Variants in ERBB4 observed in about 807,000 individuals in gnomAD.
ERBB4 encodes the protein erb-b2 receptor tyrosine kinase 4, also known as receptor tyrosine-protein kinase erbB-4.
Under a neutral mutation model 158.0 loss-of-function variants are expected in ERBB4, and 42 were observed. The ratio of observed to expected loss-of-function variants is 0.27; its 90% confidence interval spans 0.21 to 0.34. The LOEUF (loss-of-function observed/expected upper bound fraction) is 0.34, where lower values mean the gene tolerates loss of function less well. Among genes scored for constraint, ERBB4 ranks in the 10% least tolerant of loss-of-function variants. The probability of loss-of-function intolerance (pLI) is 1.00; values close to 1 mark genes in which losing one functional copy is unlikely to be tolerated. For missense variants in ERBB4, 1,333 were observed against 1,624.1 expected (o/e 0.82, Z 3.08); for synonymous variants, 583 against 558.7 (o/e 1.04, Z -0.61).
chr2:211,622,990 AAT>A (rs1165877419), intron 18 of ERBB4, among the ~76,000 whole-genome samples: 90 of 21,856 alleles, frequency 4.1e-3, no homozygotes, highest in East Asian at 0.021. Flanking sequence ...AAAAAAAAAA[AAT>A]ATATATATAT....
chr2:212,095,659 G>T (rs991265477), intron 2 of ERBB4, among the ~76,000 whole-genome samples: 15 of 152,146 alleles, frequency 9.9e-5, no homozygotes, highest in Admixed American at 3.3e-4. Flanking sequence ...TTGGCCGGGC[G>T]CGGTGGCTCA....
In ERBB4 at chr2:212,490,885, T is replaced by G. The variant is rs1022695481; in HGVS notation, c.82+47564A>C. On this transcript the variant is annotated intron_variant, in intron 1 of 27. Transcript: ENST00000342788. ...CAAACTAAATAAGCCTCTACTACAG[T>G]TTTTAAAACATTTGGAAATTACTGA... is the stretch of plus-strand genomic sequence containing the variant. Among the ~76,000 whole-genome samples the G allele has an allele frequency of 1.1e-4, 16 of 151,756 alleles. 1 individual carries two copies. The highest frequency in any genetic ancestry group is 3.4e-4 in the African/African-American group (14 of 41,414).
intron 27 of ERBB4, among the ~76,000 whole-genome samples, chr2:211,385,958 T>G (rs1166505020): frequency 1.3e-5 from 2 of 152,186 alleles, no homozygotes; most frequent in East Asian, 1.9e-4. Flanking sequence ...TGTAAAAATT[T>G]TATCTAGACA....
At chr2:211,973,004 T>G (rs1302197484) in intron 2 of ERBB4, among the ~76,000 whole-genome samples, 2 of 151,752 alleles carry the variant, frequency 1.3e-5, no homozygotes, top group African/African-American at 4.8e-5. Context: ...TGGGAGAAAA[T>G]TTTGCAAACT....
chr2:211,928,124 A>G (rs1043470277), intron 3 of ERBB4, among the ~76,000 whole-genome samples: 5 of 152,160 alleles, frequency 3.3e-5, no homozygotes, highest in Non-Finnish European at 7.4e-5. Flanking sequence ...CAATCCCAAT[A>G]GAAGCAAGAA....
intron 1 of ERBB4, among the ~76,000 whole-genome samples, chr2:212,218,133 C>T (rs533176341): frequency 2.6e-5 from 4 of 151,350 alleles, no homozygotes; most frequent in South Asian, 2.1e-4. Context: ...CCATTGCTAA[C>T]GAGAGCTGCT....
At chr2:212,160,687 T>G (rs2081177562) in intron 1 of ERBB4, among the ~76,000 whole-genome samples, 1 of 152,020 alleles carries the variant, frequency 6.6e-6, no homozygotes. Context: ...TGTGTCTAGG[T>G]CTTAGCGCTT....
chr2:211,878,666 T>TTTTC (rs1205983615), intron 3 of ERBB4, among the ~76,000 whole-genome samples: 3 of 149,544 alleles, frequency 2.0e-5, no homozygotes, highest in African/African-American at 7.4e-5. Context: ...TGTTTTTTTT[T>TTTTC]TTTTCCTTGA....
At chr2:211,859,082 G>A (rs1424216155) in intron 3 of ERBB4, among the ~76,000 whole-genome samples, 2 of 152,192 alleles carry the variant, frequency 1.3e-5, no homozygotes, top group South Asian at 2.1e-4. Flanking sequence ...GTGCTTGGCC[G>A]GCAATGTATC....
intron 1 of ERBB4, among the ~76,000 whole-genome samples, chr2:212,236,561 C>A (rs1292253780): frequency 2.6e-5 from 4 of 152,144 alleles, no homozygotes; most frequent in Non-Finnish European, 4.4e-5. Flanking sequence ...CTCTTAATAT[C>A]TCTGGTGGAA....
At chr2:211,657,552 C>A in intron 16 of ERBB4, 1 of 586,644 alleles carries the variant, frequency 1.7e-6, no homozygotes, top group Non-Finnish European at 3.1e-6. Context: ...AACTGGGACT[C>A]TTGTATCACA....
chr2:212,530,618 G>A (rs375558410), intron 1 of ERBB4, among the ~76,000 whole-genome samples: 1 of 152,136 alleles, frequency 6.6e-6, no homozygotes, highest in East Asian at 1.9e-4. Context: ...AGAGCCTGGA[G>A]AATCTGTTGT....
Position 211,381,021 on chromosome 2 carries a change from G to A in ERBB4, c.*2594C>T, listed in dbSNP as rs565427049. ...GATGCAGATTTATTTAGAAAGGGAG[G>A]CTTATATTCAATTTTTCATAAGTAC... On this transcript the variant is annotated 3_prime_UTR_variant, in exon 28 of 28. Coordinates refer to ENST00000342788, the MANE Select transcript of ERBB4 (RefSeq NM_005235.3). 10 of 232,334 alleles carry A rather than the reference G, an allele frequency of 4.3e-5. No homozygotes were observed. The highest frequency in any genetic ancestry group is 2.2e-4 in the African/African-American group (10 of 45,376). The allele number at this position is 232,334 out of a possible 1,614,324, so 14.4% of individuals were successfully genotyped here.
At chr2:212,403,228 T>C (rs2091258631) in intron 1 of ERBB4, among the ~76,000 whole-genome samples, 1 of 152,030 alleles carries the variant, frequency 6.6e-6, no homozygotes, top group Non-Finnish European at 1.5e-5. Flanking sequence ...AGGTTTCATT[T>C]CTCTGGCTGC....
At chr2:212,389,376 T>C (rs548547770) in intron 1 of ERBB4, among the ~76,000 whole-genome samples, 1 of 152,208 alleles carries the variant, frequency 6.6e-6, no homozygotes, top group South Asian at 2.1e-4. Flanking sequence ...AGTTGCTGAT[T>C]TTACTTAGAG....
chr2:211,586,111 T>C (rs2068267822), intron 19 of ERBB4, among the ~76,000 whole-genome samples: 1 of 152,004 alleles, frequency 6.6e-6, no homozygotes, highest in Non-Finnish European at 1.5e-5. Flanking sequence ...AATAAACCAA[T>C]GCAAAATTAA....
intron 20 of ERBB4, among the ~76,000 whole-genome samples, chr2:211,492,728 G>C (rs2065375651): frequency 6.6e-6 from 1 of 152,012 alleles, no homozygotes; most frequent in Non-Finnish European, 1.5e-5. Context: ...TATATCTTGA[G>C]TCACAACAAC....
intron 2 of ERBB4, among the ~76,000 whole-genome samples, chr2:211,978,136 G>A (rs55968534): frequency 6.6e-6 from 1 of 151,776 alleles, no homozygotes; most frequent in Non-Finnish European, 1.5e-5. Context: ...CTGGGCACCA[G>A]AATACATAAA....
chr2:211,848,339 C>G (rs1181108123), intron 3 of ERBB4, among the ~76,000 whole-genome samples: 1 of 152,014 alleles, frequency 6.6e-6, no homozygotes, highest in Non-Finnish European at 1.5e-5. Context: ...AAACAAAAAA[C>G]TTGCAAGTAA....
Sources: allele counts gnomAD v4.1 joint callset (sites outside exome capture counted in the v4.1 genomes callset), GRCh38; gene constraint gnomAD v4.1.1; transcripts MANE v1.5; gene names NCBI Gene and HGNC (gene_info 2026-07-23, HGNC 2026-07-21).